KLHL21: variants seen among roughly 807,000 people sequenced by gnomAD.
KLHL21 encodes the protein kelch like family member 21.
A neutral mutation model predicts 44.1 loss-of-function variants in KLHL21; 42 were observed. That is an observed-to-expected ratio of 0.95 (90% CI 0.74 to 1.23). The LOEUF is 1.23. Ranked by LOEUF, KLHL21 falls within the 50% of genes most tolerant of loss-of-function variation. The pLI, the probability that KLHL21 is intolerant of heterozygous loss-of-function variation, is 0.00. For synonymous variants in KLHL21, 524 were observed against 411.6 expected (o/e 1.27, Z -3.31); for missense variants, 918 against 889.1 (o/e 1.03, Z -0.41).
chr1:6,601,705 C>T, intron 1 of KLHL21, 92 bp downstream of exon 1: 1 of 1,456,126 alleles, frequency 6.9e-7, no homozygotes, highest in Non-Finnish European at 9.1e-7. Context: ...CCCTAGGATT[C>T]CAGGCTCTGT....
At chr1:6,596,617 C>G (rs1270507027) in intron 2 of KLHL21, among the ~76,000 whole-genome samples, 1 of 152,106 alleles carries the variant, frequency 6.6e-6, no homozygotes, top group Non-Finnish European at 1.5e-5. Flanking sequence ...TGATTTTTTG[C>G]CCCCAATCAT....
intron 3 of KLHL21, chr1:6,595,035 G>A (rs113556488): frequency 0.011 from 2,999 of 269,966 alleles, 34 homozygotes; most frequent in Non-Finnish European, 0.015. Context: ...TCCAGCCTGG[G>A]TGACAGAGCA....
intron 2 of KLHL21, among the ~76,000 whole-genome samples, chr1:6,598,205 T>C (rs1640954811): frequency 2.0e-5 from 3 of 152,056 alleles, no homozygotes. Context: ...GCAGGAAATG[T>C]GAGACGATTG....
rs751644726 is a variant in KLHL21, at chr1:6,602,518, C to T, written c.300G>A (p.Ala100=). The T allele has an allele frequency of 1.5e-5, 23 of 1,542,290 alleles. No individual in the cohort carries two copies. Among genetic ancestry groups the T allele is most frequent in the Non-Finnish European group, 2.0e-5 (23 of 1,149,794 alleles). Residue 100 remains alanine, a synonymous_variant, in exon 1 of 4, where the codon GCG becomes GCA. Transcript: ENST00000377658. ...GCGGCTCAGCGTTGTCGCCGCTTAC[C>T]GCCACGCGGCCCGTGTAGCTGAAGT... The part of the protein sequence containing the change: ...LLDFSYTGRV[A]VSGDNAEPLL...
intron 2 of KLHL21, 110 bp downstream of exon 2, chr1:6,598,937 G>T: frequency 8.9e-7 from 1 of 1,121,866 alleles, no homozygotes; most frequent in Non-Finnish European, 1.2e-6. Flanking sequence ...ACCCCAGCTA[G>T]GCCTCAGTTT....
chr1:6,595,630 G>C (rs1356229515), intron 2 of KLHL21, 73 bp from the exon 3 acceptor site: 3 of 1,307,666 alleles, frequency 2.3e-6, no homozygotes, highest in African/African-American at 1.4e-5. Flanking sequence ...CTGGAGCAGA[G>C]TCCTCCCCTG....
At chr1:6,595,787 CA>C (rs1278168971) in intron 2 of KLHL21, among the ~76,000 whole-genome samples, 4 of 152,214 alleles carry the variant, frequency 2.6e-5, no homozygotes, top group Non-Finnish European at 5.9e-5. Flanking sequence ...CTCTCACTCC[CA>C]AACCTGAAGA....
rs1556036 is a variant in KLHL21, at chr1:6,591,668, C to T, written c.*1697G>A. 42,301 of 152,194 alleles carry T rather than the reference C, an allele frequency of 0.28. 6,088 individuals carry two copies. The highest frequency in any genetic ancestry group is 0.33 in the Non-Finnish European group (22,126 of 68,008). 9.4% of individuals were successfully genotyped at this position (152,194 alleles called of 1,614,324 possible). Reference sequence around the variant, plus strand: ...GCTCAGCAGCCCCTAGGAAGTTAAGCGAGAGCTACAGGGCAGGGGGGCTCC... The same window carrying T: ...GCTCAGCAGCCCCTAGGAAGTTAAGTGAGAGCTACAGGGCAGGGGGGCTCC... On this transcript the variant is annotated 3_prime_UTR_variant, in exon 4 of 4. Coordinates refer to ENST00000377658, the MANE Select transcript of KLHL21 (RefSeq NM_014851.4).
chr1:6,602,458 G>A lies in KLHL21; in HGVS notation c.360C>T (p.Ala120=), dbSNP rs748696160. ...LRAADLLQFP[A]VKEACGAFLQ... The stretch of plus-strand genomic sequence containing the variant: ...GGAAGGCCCCGCACGCCTCCTTCAC[G>A]GCCGGGAACTGCAGCAGGTCGGCGG... Residue 120 remains alanine, a synonymous_variant, in exon 1 of 4, where the codon GCC becomes GCT. Coordinates refer to ENST00000377658, the MANE Select transcript of KLHL21 (RefSeq NM_014851.4). 1.9e-6 allele frequency: 3 copies of A among 1,579,710 alleles called. No individual in the cohort carries two copies. Among genetic ancestry groups the A allele is most frequent in the Non-Finnish European group, 2.6e-6 (3 of 1,168,858 alleles).
chr1:6,594,243 A>AT (rs1194474396), intron 3 of KLHL21: 1 of 214,102 alleles, frequency 4.7e-6, no homozygotes, highest in East Asian at 1.8e-4. Context: ...GCTGTAGGCA[A>AT]TATGATGTGT....
At chr1:6,598,735 T>A (rs1285448636) in intron 2 of KLHL21, among the ~76,000 whole-genome samples, 1 of 140,202 alleles carries the variant, frequency 7.1e-6, no homozygotes, top group African/African-American at 2.7e-5. Flanking sequence ...ACAAAAAAAT[T>A]AGCCAGGCAT....
chr1:6,602,828 A>C lies in KLHL21; in HGVS notation c.-11T>G. The C allele has an allele frequency of 1.4e-6, 2 of 1,414,158 alleles. No individual in the cohort carries two copies. The highest frequency in any genetic ancestry group is 1.5e-5 in the South Asian group (1 of 68,838). 87.6% of individuals were successfully genotyped at this position (1,414,158 alleles called of 1,614,324 possible). A position where few individuals can be genotyped will look rare whatever the true frequency, so the allele number is the denominator to read the frequency against. ...CGCCGGTCGCTCCATGGCGCCTTCG[A>C]TAGGTTGTCGAGGACGCCGCGGCCG... On this transcript the variant is annotated 5_prime_UTR_variant, in exon 1 of 4. Transcript: ENST00000377658.
chr1:6,601,813 A>G lies in KLHL21; in HGVS notation c.1005T>C (p.Asn335=). Reference sequence around the variant, plus strand: ...CCCACTCACCCGTCACGTAGATGTCATTGCCCAGCGCCACGATGCTGTAGC... The same window carrying G: ...CCCACTCACCCGTCACGTAGATGTCGTTGCCCAGCGCCACGATGCTGTAGC... The part of the protein sequence containing the change: ...GGGYSIVALG[N]DIYVTGGSDG... Residue 335 remains asparagine, a synonymous_variant, in exon 1 of 4, where the codon AAT becomes AAC. Coordinates refer to ENST00000377658, the MANE Select transcript of KLHL21 (RefSeq NM_014851.4). The G allele has an allele frequency of 6.3e-7, 1 of 1,580,706 alleles. No individual in the cohort carries two copies. Among genetic ancestry groups the G allele is most frequent in the Non-Finnish European group, 8.6e-7 (1 of 1,162,928 alleles).
chr1:6,596,580 A>G (rs1640930649), intron 2 of KLHL21, among the ~76,000 whole-genome samples: 1 of 152,240 alleles, frequency 6.6e-6, no homozygotes, highest in African/African-American at 2.4e-5. Context: ...AGACATTTAC[A>G]TCTCGTCTAA....
chr1:6,602,457 C>T lies in KLHL21; in HGVS notation c.361G>A (p.Val121Met). 1.3e-6 allele frequency: 2 copies of T among 1,579,598 alleles called. No individual in the cohort carries two copies. Among genetic ancestry groups the T allele is most frequent in the Admixed American group, 1.8e-5 (1 of 57,138 alleles). ...RAADLLQFPAVKEACGAFLQQ... is the reference protein window; with the variant it reads ...RAADLLQFPAMKEACGAFLQQ... ...AGGAAGGCCCCGCACGCCTCCTTCA[C>T]GGCCGGGAACTGCAGCAGGTCGGCG... Residue 121 changes from valine to methionine, a missense_variant, in exon 1 of 4, where the codon GTG (valine) becomes ATG (methionine). Val to Met is a conservative substitution (Grantham distance 21, BLOSUM62 1). Coordinates refer to ENST00000377658, the MANE Select transcript of KLHL21 (RefSeq NM_014851.4).
intron 1 of KLHL21, 69 bp downstream of exon 1, chr1:6,601,728 C>A: frequency 6.8e-7 from 1 of 1,467,070 alleles, no homozygotes; most frequent in Non-Finnish European, 9.1e-7. Flanking sequence ...GCTTCCCCCG[C>A]GAATAGCTGG....
At chr1:6,601,387 G>T (rs2148703993) in intron 1 of KLHL21, among the ~76,000 whole-genome samples, 1 of 152,294 alleles carries the variant, frequency 6.6e-6, no homozygotes, top group South Asian at 2.1e-4. Context: ...CAGCAGGGAG[G>T]GAGAAATTCC....
Position 6,590,879 on chromosome 1 carries a change from G to A in KLHL21, c.*2486C>T, listed in dbSNP as rs570598819. On this transcript the variant is annotated 3_prime_UTR_variant, in exon 4 of 4. Transcript: ENST00000377658. ...TGGATGTGGACACTGGAGGGAGGGC[G>A]TCCTTTATTACATACGCGTCTCTGA... The A allele has an allele frequency of 2.5e-5, 10 of 398,558 alleles. No homozygotes were observed. Among genetic ancestry groups the A allele is most frequent in the Middle Eastern group, 6.3e-4 (1 of 1,588 alleles). 24.7% of individuals were successfully genotyped at this position (398,558 alleles called of 1,614,324 possible).
At position 6,592,583 on chromosome 1, in the gene KLHL21, C is replaced by T. The variant is rs1470267720; in HGVS notation, c.*782G>A. ...TAGAAGCAGTGGGACTCCTCACGCG[C>T]AGGCCCAGCAAGGGCTTGGGCACCC... On this transcript the variant is annotated 3_prime_UTR_variant, in exon 4 of 4. Coordinates refer to ENST00000377658, the MANE Select transcript of KLHL21 (RefSeq NM_014851.4). The T allele has an allele frequency of 6.6e-6, 1 of 152,266 alleles. No individual in the cohort carries two copies. Among genetic ancestry groups the T allele is most frequent in the Non-Finnish European group, 1.5e-5 (1 of 68,052 alleles). The allele number at this position is 152,266 out of a possible 1,614,324, so 9.4% of individuals were successfully genotyped here. A position where few individuals can be genotyped will look rare whatever the true frequency, so the allele number is the denominator to read the frequency against.
Sources: gnomAD v4.1 joint callset for allele counts (sites outside exome capture counted in the v4.1 genomes callset) on GRCh38, gnomAD v4.1.1 for gene constraint, MANE v1.5 for transcripts, NCBI Gene and HGNC (gene_info 2026-07-23, HGNC 2026-07-21) for gene names.